TMEM114: variants seen among roughly 807,000 people sequenced by gnomAD.
The protein encoded by TMEM114 is claudin-26.
In TMEM114, 6 loss-of-function variants were observed where a neutral mutation model predicts 6.2. The ratio of observed to expected loss-of-function variants is 0.97; its 90% CI spans 0.53 to 1.91. The LOEUF (loss-of-function observed/expected upper bound fraction) is 1.91. Ranked by LOEUF, TMEM114 falls within the 40% of genes most tolerant of loss-of-function variation. TMEM114 has a pLI of 0.01. For synonymous variants in TMEM114, 104 were observed against 73.0 expected (o/e 1.42, Z -2.16); for missense variants, 218 against 158.3 (o/e 1.38, Z -2.02).
chr16:8,573,938 A>T (rs906715702), intron 2 of TMEM114, among the ~76,000 whole-genome samples: 1 of 152,190 alleles, frequency 6.6e-6, no homozygotes, highest in African/African-American at 2.4e-5. Context: ...TTTCTAGCAG[A>T]GGTTCTGTTC....
intron 2 of TMEM114, among the ~76,000 whole-genome samples, chr16:8,585,643 G>C (rs1025537713): frequency 1.3e-5 from 2 of 150,966 alleles, no homozygotes; most frequent in African/African-American, 4.9e-5. Context: ...AAAAAAAAAA[G>C]CTCTTTCTGG....
chr16:8,552,548 TTAAC>T (rs969870724), intron 2 of TMEM114, among the ~76,000 whole-genome samples: 27 of 152,204 alleles, frequency 1.8e-4, no homozygotes, highest in African/African-American at 6.0e-4. Context: ...GATCTGTAGT[TTAAC>T]TAACAGTATT....
chr16:8,544,531 A>G (rs1900603249), intron 2 of TMEM114, among the ~76,000 whole-genome samples: 1 of 152,252 alleles, frequency 6.6e-6, no homozygotes, highest in Non-Finnish European at 1.5e-5. Flanking sequence ...TACAGGATAC[A>G]TGTGAATGAG....
intron 2 of TMEM114, among the ~76,000 whole-genome samples, chr16:8,539,517 C>G (rs1239173617): frequency 6.6e-6 from 1 of 152,082 alleles, no homozygotes; most frequent in Non-Finnish European, 1.5e-5. Context: ...CAGGCTCACA[C>G]CACCCTCTCC....
At chr16:8,545,430 C>G (rs963059065) in intron 2 of TMEM114, among the ~76,000 whole-genome samples, 1 of 152,134 alleles carries the variant, frequency 6.6e-6, no homozygotes, top group Non-Finnish European at 1.5e-5. Flanking sequence ...TATACTCTGT[C>G]TCAGAAAATA....
At chr16:8,567,170 A>T (rs1318922572), downstream of TMEM114, among the ~76,000 whole-genome samples, 3 of 151,894 alleles carry the variant, frequency 2.0e-5, no homozygotes, top group Admixed American at 6.6e-5. Context: ...TGGCATCCCA[A>T]AGTGCTGGGA....
At chr16:8,561,580 G>A (rs982664917) in intron 2 of TMEM114, among the ~76,000 whole-genome samples, 1 of 152,242 alleles carries the variant, frequency 6.6e-6, no homozygotes, top group Non-Finnish European at 1.5e-5. Flanking sequence ...AGAAGTCACT[G>A]TTGAATGAAT....
chr16:8,542,353 T>C (rs1465790146), intron 2 of TMEM114, among the ~76,000 whole-genome samples: 1 of 152,138 alleles, frequency 6.6e-6, no homozygotes, highest in Admixed American at 6.5e-5. Flanking sequence ...ACCAATTCCA[T>C]CTATTTCACA....
the TMEM114 span, among the ~76,000 whole-genome samples, chr16:8,532,292 T>C: frequency 4.6e-3 from 694 of 152,356 alleles, 4 homozygotes; most frequent in African/African-American, 0.016. Context: ...ATTTTCACTC[T>C]GCCTCTAGCC....
intron 2 of TMEM114, among the ~76,000 whole-genome samples, chr16:8,560,056 G>C (rs1309378256): frequency 6.6e-6 from 1 of 152,124 alleles, no homozygotes; most frequent in African/African-American, 2.4e-5. Flanking sequence ...GAGTGCAGTG[G>C]TGCCATCACA....
intron 3 of TMEM114, among the ~76,000 whole-genome samples, chr16:8,570,315 C>G (rs1901689922): frequency 2.0e-5 from 2 of 100,336 alleles, no homozygotes; most frequent in African/African-American, 8.9e-5. Context: ...ACTTTGCATT[C>G]TTTTGTGTAA....
intron 2 of TMEM114, among the ~76,000 whole-genome samples, chr16:8,551,184 C>G (rs1018171087): frequency 3.9e-5 from 6 of 152,092 alleles, no homozygotes; most frequent in African/African-American, 9.7e-5. Flanking sequence ...GAACCAAGAA[C>G]CAGGAACAAG....
chr16:8,556,563 G>A (rs1037129652), intron 2 of TMEM114, among the ~76,000 whole-genome samples: 11 of 152,196 alleles, frequency 7.2e-5, no homozygotes, highest in Admixed American at 1.3e-4. Flanking sequence ...GTGCAATGGC[G>A]TGATCTTGGC....
intron 2 of TMEM114, among the ~76,000 whole-genome samples, chr16:8,556,100 C>T (rs961213294): frequency 6.6e-6 from 1 of 152,196 alleles, no homozygotes; most frequent in African/African-American, 2.4e-5. Context: ...TCTGAGAACC[C>T]GGTCTCTTCT....
At chr16:8,539,546 C>T (rs1900460089) in intron 2 of TMEM114, among the ~76,000 whole-genome samples, 1 of 152,142 alleles carries the variant, frequency 6.6e-6, no homozygotes, top group South Asian at 2.1e-4. Context: ...TCCCACGCTC[C>T]AATTCCCTTA....
intron 2 of TMEM114, among the ~76,000 whole-genome samples, chr16:8,550,758 G>C (rs1448933970): frequency 6.6e-6 from 1 of 150,476 alleles, no homozygotes; most frequent in East Asian, 1.9e-4. Context: ...TCCAGCTCTT[G>C]GGGCTCTGAA....
At chr16:8,557,356 C>T (rs569391925) in intron 2 of TMEM114, among the ~76,000 whole-genome samples, 1 of 152,224 alleles carries the variant, frequency 6.6e-6, no homozygotes, top group Non-Finnish European at 1.5e-5. Flanking sequence ...TCAGGAAGCC[C>T]AGTGTAGCCC....
chr16:8,544,465 C>T (rs1054495587), intron 2 of TMEM114, among the ~76,000 whole-genome samples: 2 of 152,072 alleles, frequency 1.3e-5, no homozygotes, highest in South Asian at 4.1e-4. Context: ...AGGGGTTCAC[C>T]AGTAGAAGAA....
Position 8,590,067 on chromosome 16 carries a change from T to G in TMEM114, c.-229A>C. The G allele has an allele frequency of 5.4e-6, 2 of 368,464 alleles. No homozygotes were observed. The highest frequency in any genetic ancestry group is 4.6e-5 in the Admixed American group (1 of 21,574). The allele number at this position is 368,464 out of a possible 1,614,324, so 22.8% of individuals were successfully genotyped here. Reference sequence around the variant, plus strand: ...GCCCCCCGCTCAGCCGCCGTCCACGTTCCCACCCCTCCAATGCCAGCTCTA... The same window carrying G: ...GCCCCCCGCTCAGCCGCCGTCCACGGTCCCACCCCTCCAATGCCAGCTCTA... On this transcript the variant is annotated 5_prime_UTR_variant, in exon 1 of 4. Transcript: ENST00000620492.
Sources: allele counts gnomAD v4.1 joint callset (sites outside exome capture counted in the v4.1 genomes callset), GRCh38; gene constraint gnomAD v4.1.1; transcripts MANE v1.5; gene names NCBI Gene and HGNC (gene_info 2026-07-23, HGNC 2026-07-21).